Variants in DAB1 observed in about 807,000 individuals in gnomAD.
DAB1 encodes DAB adaptor protein 1.
In DAB1, 15 loss-of-function variants were observed where a neutral mutation model predicts 64.6. The observed-to-expected ratio is 0.23, with a 90% CI of 0.16 to 0.36. The LOEUF (loss-of-function observed/expected upper bound fraction) is 0.36. Among genes scored for constraint, DAB1 ranks in the 10% least tolerant of loss-of-function variants. The pLI is 1.00. For synonymous variants in DAB1, 235 were observed against 251.9 expected (o/e 0.93, Z 0.64); for missense variants, 596 against 706.7 (o/e 0.84, Z 1.78).
chr1:58,322,803 C>T (rs1662717989), intron 4 of DAB1, among the ~76,000 whole-genome samples: 1 of 152,088 alleles, frequency 6.6e-6, no homozygotes, highest in South Asian at 2.1e-4. Flanking sequence ...ATGTTTATTG[C>T]CGCACTATTC....
chr1:57,191,154 A>C (rs1204129247), intron 2 of DAB1, among the ~76,000 whole-genome samples: 2 of 152,174 alleles, frequency 1.3e-5, no homozygotes, highest in Non-Finnish European at 2.9e-5. Context: ...AATACAAGCT[A>C]ATGAGAGAGG....
intron 5 of DAB1, among the ~76,000 whole-genome samples, chr1:58,066,951 C>G (rs72906532): frequency 0.045 from 6,840 of 152,312 alleles, 497 homozygotes; most frequent in African/African-American, 0.16. Context: ...CTCTGCAGGG[C>G]CTGCTCCGGC....
upstream of DAB1, among the ~76,000 whole-genome samples, chr1:57,424,746 G>A (rs1685205293): frequency 6.6e-6 from 1 of 152,198 alleles, no homozygotes; most frequent in African/African-American, 2.4e-5. Context: ...GGCGGCTCCT[G>A]TTTTGACTGA....
intron 5 of DAB1, among the ~76,000 whole-genome samples, chr1:57,948,228 T>C (rs1645213427): frequency 6.6e-6 from 1 of 152,210 alleles, no homozygotes; most frequent in Admixed American, 6.5e-5. Flanking sequence ...AGACACATCG[T>C]GTAACTGAAC....
At chr1:57,391,771 AC>A (rs1682379394) in intron 1 of DAB1, among the ~76,000 whole-genome samples, 1 of 55,338 alleles carries the variant, frequency 1.8e-5, no homozygotes, top group Non-Finnish European at 3.7e-5. Flanking sequence ...GAATAAACAC[AC>A]ACACACACAC....
intron 1 of DAB1, among the ~76,000 whole-genome samples, chr1:58,533,056 G>A (rs921863937): frequency 6.6e-6 from 1 of 151,966 alleles, no homozygotes; most frequent in Non-Finnish European, 1.5e-5. Context: ...GTACCTTTGC[G>A]TTTACAATTT....
At chr1:57,840,337 T>C (rs1216241063) in intron 1 of DAB1, among the ~76,000 whole-genome samples, 1 of 152,126 alleles carries the variant, frequency 6.6e-6, no homozygotes, top group African/African-American at 2.4e-5. Flanking sequence ...ACAAGAGCTA[T>C]GGGGAGTCAT....
At chr1:57,071,000 C>A (rs772896005) in intron 7 of DAB1, 23 bp downstream of exon 7, 1 of 1,604,732 alleles carries the variant, frequency 6.2e-7, no homozygotes, top group East Asian at 2.2e-5. Flanking sequence ...GAATCTAAAA[C>A]CCCGACTAGT....
intron 2 of DAB1, among the ~76,000 whole-genome samples, chr1:57,157,808 A>T (rs1388716976): frequency 6.6e-6 from 1 of 152,322 alleles, no homozygotes; most frequent in East Asian, 1.9e-4. Context: ...GAGATGTGAA[A>T]AGCTGAATGC....
intron 7 of DAB1, among the ~76,000 whole-genome samples, chr1:57,446,915 G>A (rs1281496073): frequency 6.6e-6 from 1 of 152,142 alleles, no homozygotes; most frequent in Non-Finnish European, 1.5e-5. Context: ...TGGGACTGGA[G>A]CCTTCAAAAT....
At chr1:57,278,782 A>G (rs538208775) in intron 2 of DAB1, among the ~76,000 whole-genome samples, 72 of 152,270 alleles carry the variant, frequency 4.7e-4, no homozygotes, top group Non-Finnish European at 8.5e-4. Flanking sequence ...GACACACAAC[A>G]TTTGCTGTAT....
intron 7 of DAB1, among the ~76,000 whole-genome samples, chr1:57,459,811 T>C (rs1686721226): frequency 6.6e-6 from 1 of 152,210 alleles, no homozygotes; most frequent in African/African-American, 2.4e-5. Flanking sequence ...CTCATTCTTC[T>C]TCCTGGAGCT....
rs770171120 is a variant in DAB1, at chr1:57,014,971, C to T, written c.1356G>A (p.Val452=). ...AFSSYFNKVG[V]AQDTDDCDDF... is the part of the protein sequence containing the mutation. Reference sequence around the variant, plus strand: ...CATCACAGTCGTCTGTATCCTGTGCCACCCCGACTTTGTTGAAGTAACTGG... The same window carrying T: ...CATCACAGTCGTCTGTATCCTGTGCTACCCCGACTTTGTTGAAGTAACTGG... Residue 452 remains valine (V), a synonymous_variant, in exon 12 of 15, where the codon GTG becomes GTA. Coordinates refer to ENST00000371236, the MANE Select transcript of DAB1 (RefSeq NM_001365792.1). 6.2e-7 allele frequency: 1 copy of T among 1,614,050 alleles called. No homozygotes were observed. Among genetic ancestry groups the T allele is most frequent in the Non-Finnish European group, 8.5e-7 (1 of 1,179,980 alleles).
At chr1:57,331,570 A>C (rs2100798420) in intron 1 of DAB1, among the ~76,000 whole-genome samples, 1 of 152,312 alleles carries the variant, frequency 6.6e-6, no homozygotes, top group South Asian at 2.1e-4. Flanking sequence ...CCTTCTCTTT[A>C]ACCTTTGCCT....
At chr1:58,166,522 T>C (rs1265089333) in intron 4 of DAB1, among the ~76,000 whole-genome samples, 1 of 152,236 alleles carries the variant, frequency 6.6e-6, no homozygotes, top group Non-Finnish European at 1.5e-5. Context: ...GGGTATACTA[T>C]ATTTGTATAT....
rs181631987 is a variant in DAB1 at position 58,354,305 on chromosome 1, C to T, written n.258-10902G>A. ...AGGAATGACACTTGGGACACATCAACACGGGCTAAGGTCCCATTCCTTGTA... is the reference window on the plus strand; with the variant it reads ...AGGAATGACACTTGGGACACATCAATACGGGCTAAGGTCCCATTCCTTGTA... On this transcript the variant is annotated intron_variant and non_coding_transcript_variant, in intron 3 of 20. Transcript: ENST00000485760. Among the ~76,000 whole-genome samples, 4 of 152,242 alleles carry T rather than the reference C, an allele frequency of 2.6e-5. No individual in the cohort carries two copies. The East Asian group carries it at 7.7e-4, about 29-fold the overall frequency.
chr1:57,284,013 A>T (rs1163259454), intron 2 of DAB1, among the ~76,000 whole-genome samples: 1 of 152,212 alleles, frequency 6.6e-6, no homozygotes, highest in Non-Finnish European at 1.5e-5. Flanking sequence ...CTTTCAGAGT[A>T]TTGTGTTACT....
At position 56,996,617 on chromosome 1, in the gene DAB1, T is replaced by C. The variant is rs1645629267; in HGVS notation, c.*1527A>G. The C allele has an allele frequency of 6.6e-6, 1 of 152,356 alleles. No homozygotes were observed. The highest frequency in any genetic ancestry group is 1.5e-5 in the Non-Finnish European group (1 of 68,028). The allele number at this position is 152,356 out of a possible 1,614,324, so 9.4% of individuals were successfully genotyped here. A position where few individuals can be genotyped will look rare whatever the true frequency, so the allele number is the denominator to read the frequency against. On this transcript the variant is annotated 3_prime_UTR_variant, in exon 15 of 15. Coordinates refer to ENST00000371236, the MANE Select transcript of DAB1 (RefSeq NM_001365792.1). ...ATTCTTCAGAATGTGAATTGTCTTT[T>C]TCTTGTGTTGCACGTAGGGTGGGGA...
intron 5 of DAB1, among the ~76,000 whole-genome samples, chr1:57,898,798 A>C (rs1644429177): frequency 6.6e-6 from 1 of 152,194 alleles, no homozygotes; most frequent in Non-Finnish European, 1.5e-5. Flanking sequence ...GTGCTAGGAC[A>C]TATAACCAGC....
Sources: gnomAD v4.1 joint callset for allele counts (sites outside exome capture counted in the v4.1 genomes callset) on GRCh38, gnomAD v4.1.1 for gene constraint, MANE v1.5 for transcripts, NCBI Gene and HGNC (gene_info 2026-07-23, HGNC 2026-07-21) for gene names.